Variants in DCC observed in about 807,000 individuals in gnomAD.
DCC encodes netrin receptor DCC.
DCC carries 58 observed loss-of-function variants against 172.5 expected under a neutral mutation model. The observed-to-expected ratio is 0.34, with a 90% confidence interval of 0.27 to 0.42. The LOEUF is 0.42. Among genes scored for constraint, DCC ranks in the 10% least tolerant of loss-of-function variants. The probability of loss-of-function intolerance (pLI) is 1.00; values close to 1 mark genes in which losing one functional copy is unlikely to be tolerated. For synonymous variants in DCC, 709 were observed against 644.5 expected (o/e 1.10, Z -1.52); for missense variants, 1,740 against 1,791.0 (o/e 0.97, Z 0.51).
chr18:52,626,097 A>G (rs2034569127), intron 1 of DCC, among the ~76,000 whole-genome samples: 1 of 152,178 alleles, frequency 6.6e-6, no homozygotes, highest in African/African-American at 2.4e-5. Flanking sequence ...GACAACCAGC[A>G]TGTTTCTCTC....
chr18:52,900,108 C>T (rs11663768), intron 2 of DCC, among the ~76,000 whole-genome samples: 39,920 of 152,018 alleles, frequency 0.26, 5,449 homozygotes, highest in Admixed American at 0.33. Flanking sequence ...TGGTTCTATC[C>T]GGACTTGGGG....
At chr18:52,699,566 A>G (rs898820647) in intron 1 of DCC, among the ~76,000 whole-genome samples, 10 of 152,202 alleles carry the variant, frequency 6.6e-5, no homozygotes, top group African/African-American at 2.4e-4. Context: ...GACCAGTTCA[A>G]GGGAAATGAC....
chr18:53,265,634 G>A (rs2056664530), intron 12 of DCC, among the ~76,000 whole-genome samples: 1 of 152,200 alleles, frequency 6.6e-6, no homozygotes, highest in Admixed American at 6.5e-5. Flanking sequence ...AAAATGTAAA[G>A]ATGCTTACAT....
chr18:52,829,566 A>G (rs2038574250), intron 2 of DCC, among the ~76,000 whole-genome samples: 2 of 152,204 alleles, frequency 1.3e-5, no homozygotes. Flanking sequence ...ATAAAAAGGC[A>G]ATTCTATTAC....
chr18:53,269,469 G>T (rs1765453029), intron 12 of DCC, among the ~76,000 whole-genome samples: 1 of 152,072 alleles, frequency 6.6e-6, no homozygotes, highest in South Asian at 2.1e-4. Flanking sequence ...TATCAACCTA[G>T]ATCTTAAGTG....
At chr18:52,826,171 A>T (rs540141831) in intron 2 of DCC, among the ~76,000 whole-genome samples, 1 of 152,252 alleles carries the variant, frequency 6.6e-6, no homozygotes, top group South Asian at 2.1e-4. Context: ...GATGATTTCT[A>T]CTCAGTTGTA....
chr18:52,779,309 C>T (rs201269505), intron 2 of DCC, among the ~76,000 whole-genome samples: 15 of 152,098 alleles, frequency 9.9e-5, no homozygotes, highest in Admixed American at 7.9e-4. Context: ...CCCCAAGTGG[C>T]GCATACCCCA....
chr18:52,858,007 C>T (rs779039983), intron 2 of DCC, among the ~76,000 whole-genome samples: 1 of 152,188 alleles, frequency 6.6e-6, no homozygotes, highest in East Asian at 1.9e-4. Context: ...AAAATGACTT[C>T]AGCTCGTTTA....
chr18:52,876,896 C>T (rs118180550), intron 2 of DCC, among the ~76,000 whole-genome samples: 1,749 of 152,212 alleles, frequency 0.011, 15 homozygotes, highest in Middle Eastern at 0.031. Flanking sequence ...TTGTCGCAGA[C>T]CCTCCATTTC....
intron 1 of DCC, among the ~76,000 whole-genome samples, chr18:52,440,446 A>G (rs1987938903): frequency 6.6e-6 from 1 of 152,170 alleles, no homozygotes; most frequent in Non-Finnish European, 1.5e-5. Context: ...GGTGTGTGAA[A>G]GGGGCTGTTT....
chr18:53,374,576 A>C (rs2058090337), intron 15 of DCC, among the ~76,000 whole-genome samples: 1 of 152,180 alleles, frequency 6.6e-6, no homozygotes, highest in Non-Finnish European at 1.5e-5. Flanking sequence ...GTACACACTC[A>C]CATACACACA....
intron 5 of DCC, among the ~76,000 whole-genome samples, chr18:52,926,801 A>G (rs190313468): frequency 7.5e-5 from 11 of 145,866 alleles, no homozygotes; most frequent in African/African-American, 2.5e-4. Flanking sequence ...ACACACACAC[A>G]TATACATATG....
intron 2 of DCC, among the ~76,000 whole-genome samples, chr18:52,790,945 C>A (rs2037753983): frequency 6.6e-6 from 1 of 152,122 alleles, no homozygotes; most frequent in South Asian, 2.1e-4. Flanking sequence ...TAAGGTCCTG[C>A]AATGAGAATG....
intron 5 of DCC, among the ~76,000 whole-genome samples, chr18:52,980,185 TACTC>T (rs1397770704): frequency 2.0e-5 from 3 of 152,200 alleles, no homozygotes; most frequent in African/African-American, 7.2e-5. Flanking sequence ...GATGAGCTCT[TACTC>T]ACCCAGCTGC....
intron 1 of DCC, among the ~76,000 whole-genome samples, chr18:52,559,767 C>G (rs1145288): frequency 1.3e-5 from 2 of 151,666 alleles, no homozygotes; most frequent in African/African-American, 4.8e-5. Flanking sequence ...TTTTAAAAGG[C>G]TGCCAAAGCT....
intron 27 of DCC, among the ~76,000 whole-genome samples, chr18:53,500,106 G>A (rs866418130): frequency 3.7e-4 from 56 of 152,178 alleles, no homozygotes; most frequent in African/African-American, 1.2e-3. Context: ...AAGAAAATAA[G>A]ATGGCAGGGA....
At chr18:52,352,693 G>A (rs2144248198) in intron 1 of DCC, among the ~76,000 whole-genome samples, 1 of 152,186 alleles carries the variant, frequency 6.6e-6, no homozygotes, top group South Asian at 2.1e-4. Flanking sequence ...CTCTCATCTT[G>A]ATTTTGTGTC....
chr18:53,261,272 A>T (rs1012303835), intron 12 of DCC, among the ~76,000 whole-genome samples: 6 of 152,072 alleles, frequency 3.9e-5, no homozygotes, highest in Admixed American at 3.3e-4. Flanking sequence ...GAAATGCAGA[A>T]ATCACCCATC....
intron 24 of DCC, among the ~76,000 whole-genome samples, chr18:53,463,355 A>G (rs894783501): frequency 1.3e-5 from 2 of 152,178 alleles, no homozygotes; most frequent in Non-Finnish European, 2.9e-5. Context: ...CTTGTCCTCA[A>G]TTTGAGGACC....
Sources: gnomAD v4.1 joint callset for allele counts (sites outside exome capture counted in the v4.1 genomes callset) on GRCh38, gnomAD v4.1.1 for gene constraint, MANE v1.5 for transcripts, NCBI Gene and HGNC (gene_info 2026-07-23, HGNC 2026-07-21) for gene names.